ADAMTS17: variants seen among roughly 807,000 people sequenced by gnomAD.
ADAMTS17 encodes the protein A disintegrin and metalloproteinase with thrombospondin motifs 17.
In ADAMTS17, 113 loss-of-function variants were observed where a neutral mutation model predicts 141.5. The observed-to-expected ratio is 0.80, with a 90% CI of 0.69 to 0.93. The LOEUF is 0.93. Among genes scored for constraint, ADAMTS17 ranks in the 40% least tolerant of loss-of-function variants. ADAMTS17 has a pLI of 0.00. For synonymous variants in ADAMTS17, 768 were observed against 630.6 expected (o/e 1.22, Z -3.27); for missense variants, 1,659 against 1,517.9 (o/e 1.09, Z -1.54).
In ADAMTS17 at chr15:100,083,761, T is replaced by C. The variant is rs2034903470; in HGVS notation, c.2137+12595A>G. 2.0e-5 allele frequency among the ~76,000 whole-genome samples: 3 copies of C among 149,986 alleles called. No homozygotes were observed. In the Admixed American group the frequency reaches 2.0e-4, roughly 10 times the overall value. On this transcript the variant is annotated intron_variant, in intron 15 of 21. Transcript: ENST00000268070. ...GTTGTGTGGTCATCTAGTATGATGCTTTCCAACCACATGTGACTTGGGAAT... is the reference window on the plus strand; with the variant it reads ...GTTGTGTGGTCATCTAGTATGATGCCTTCCAACCACATGTGACTTGGGAAT...
chr15:100,182,423 A>T (rs980382929), intron 8 of ADAMTS17, among the ~76,000 whole-genome samples: 1 of 152,176 alleles, frequency 6.6e-6, no homozygotes, highest in Non-Finnish European at 1.5e-5. Context: ...GATCCAAACC[A>T]TATCACACTG....
At chr15:100,180,456 TC>T (rs2040485022) in intron 8 of ADAMTS17, among the ~76,000 whole-genome samples, 2 of 152,232 alleles carry the variant, frequency 1.3e-5, no homozygotes, top group South Asian at 4.1e-4. Flanking sequence ...GTAATGTGAT[TC>T]CTCCAGTTTC....
At chr15:100,263,723 T>C (rs937228034) in intron 4 of ADAMTS17, among the ~76,000 whole-genome samples, 1 of 152,108 alleles carries the variant, frequency 6.6e-6, no homozygotes, top group Non-Finnish European at 1.5e-5. Context: ...AGATGGAAGG[T>C]TGGAGGGAAC....
At chr15:100,239,527 G>A (rs1307458938) in intron 7 of ADAMTS17, among the ~76,000 whole-genome samples, 3 of 152,320 alleles carry the variant, frequency 2.0e-5, no homozygotes, top group Non-Finnish European at 2.9e-5. Flanking sequence ...GGATGCCCCT[G>A]AGCGGGGCAG....
chr15:100,265,229 C>A (rs2043668612), intron 4 of ADAMTS17, among the ~76,000 whole-genome samples: 1 of 152,196 alleles, frequency 6.6e-6, no homozygotes, highest in African/African-American at 2.4e-5. Flanking sequence ...CCGTGCCAAG[C>A]CAGGCGAGCC....
chr15:100,070,778 C>T (rs987377411), intron 15 of ADAMTS17, among the ~76,000 whole-genome samples: 4 of 149,316 alleles, frequency 2.7e-5, no homozygotes, highest in South Asian at 2.1e-4. Context: ...TAAATGCCCA[C>T]AAGAGAAAGC....
chr15:100,311,556 G>A lies in ADAMTS17; in HGVS notation c.616+19333C>T, dbSNP rs138637377. Among the ~76,000 whole-genome samples, 544 of 152,284 alleles carry A rather than the reference G, an allele frequency of 3.6e-3. 7 individuals carry two copies. The highest frequency in any genetic ancestry group is 0.012 in the African/African-American group (513 of 41,562). On this transcript the variant is annotated intron_variant, in intron 3 of 21. Coordinates refer to ENST00000268070, the MANE Select transcript of ADAMTS17 (RefSeq NM_139057.4). ...CTGCTTTGAGTTACTAAAGTGGGGC[G>A]GGCGTGTGTTGCATAAGAGTCCAGG...
intron 15 of ADAMTS17, among the ~76,000 whole-genome samples, chr15:100,082,721 G>T (rs547513081): frequency 6.8e-4 from 100 of 146,440 alleles, no homozygotes; most frequent in African/African-American, 2.4e-3. Flanking sequence ...TCTACAAATA[G>T]TTATTAGAGA....
chr15:100,199,295 A>G, intron 8 of ADAMTS17, 23 bp downstream of exon 8: 2 of 1,600,408 alleles, frequency 1.2e-6, no homozygotes, highest in East Asian at 2.2e-5. Flanking sequence ...AGAAAACAGG[A>G]CGACACAGAG....
intron 10 of ADAMTS17, among the ~76,000 whole-genome samples, chr15:100,152,016 AC>A (rs533714989): frequency 1.4e-4 from 21 of 152,346 alleles, no homozygotes; most frequent in African/African-American, 4.1e-4. Flanking sequence ...TAAACCAGGG[AC>A]AGGATCTCGG....
chr15:100,108,351 T>A (rs987600678), intron 14 of ADAMTS17, among the ~76,000 whole-genome samples: 32 of 152,260 alleles, frequency 2.1e-4, no homozygotes, highest in South Asian at 4.2e-4. Context: ...TATGTTTGTA[T>A]TTTTAGTAGA....
At chr15:100,237,032 T>C (rs529353202) in intron 7 of ADAMTS17, among the ~76,000 whole-genome samples, 1 of 152,198 alleles carries the variant, frequency 6.6e-6, no homozygotes, top group East Asian at 1.9e-4. Context: ...ATCCTCAGAC[T>C]CCAATCTGAA....
In ADAMTS17 at chr15:100,122,559, G is replaced by C. The variant is rs138254037; in HGVS notation, c.1722-5546C>G. 1.6e-3 allele frequency among the ~76,000 whole-genome samples: 241 copies of C among 152,284 alleles called. 2 individuals carry two copies. Among genetic ancestry groups the C allele is most frequent in the African/African-American group, 4.7e-3 (194 of 41,568 alleles). ...TAGAAATGCTGACCCCTCACATGTAGTAGAAAATCCACATATAACTTTTAA... is the reference window on the plus strand; with the variant it reads ...TAGAAATGCTGACCCCTCACATGTACTAGAAAATCCACATATAACTTTTAA... On this transcript the variant is annotated intron_variant, in intron 12 of 21. Transcript: ENST00000268070.
intron 15 of ADAMTS17, among the ~76,000 whole-genome samples, chr15:100,076,271 G>C (rs945009846): frequency 7.2e-5 from 11 of 152,122 alleles, no homozygotes; most frequent in African/African-American, 2.7e-4. Context: ...TGGAACTCCT[G>C]ACCTCAGGTG....
chr15:100,037,332 G>C lies in ADAMTS17; in HGVS notation c.2591+11525C>G, dbSNP rs113356669. On this transcript the variant is annotated intron_variant, in intron 18 of 21. Coordinates refer to ENST00000268070, the MANE Select transcript of ADAMTS17 (RefSeq NM_139057.4). ...CCTTCTTTAGAGGAATGTCTGTTCA[G>C]ATCTTTTGTTCAGTTTTCAATTAGG... is the stretch of plus-strand genomic sequence containing the variant. 2.0e-5 allele frequency among the ~76,000 whole-genome samples: 3 copies of C among 151,916 alleles called. 1 individual carries two copies. The highest frequency in any genetic ancestry group is 7.2e-5 in the African/African-American group (3 of 41,456).
intron 8 of ADAMTS17, among the ~76,000 whole-genome samples, chr15:100,164,647 G>A (rs1008531228): frequency 2.0e-5 from 3 of 152,184 alleles, no homozygotes; most frequent in Non-Finnish European, 4.4e-5. Flanking sequence ...CTCTCAGAGA[G>A]CTGTGGCCTA....
intron 8 of ADAMTS17, among the ~76,000 whole-genome samples, chr15:100,168,899 C>A (rs1399454227): frequency 6.6e-6 from 1 of 152,248 alleles, no homozygotes; most frequent in African/African-American, 2.4e-5. Context: ...AGAGGACCCT[C>A]CCCTTGCCCC....
At chr15:100,137,482 G>A (rs1263810518) in intron 10 of ADAMTS17, among the ~76,000 whole-genome samples, 1 of 152,184 alleles carries the variant, frequency 6.6e-6, no homozygotes, top group African/African-American at 2.4e-5. Flanking sequence ...GTGGGGCTTG[G>A]AGGTGGAGAT....
intron 3 of ADAMTS17, among the ~76,000 whole-genome samples, chr15:100,282,784 A>G (rs1409140081): frequency 1.3e-5 from 2 of 152,230 alleles, no homozygotes; most frequent in African/African-American, 4.8e-5. Context: ...ACAACTATAG[A>G]TAAAGCCAAC....
Sources: gnomAD v4.1 joint callset for allele counts (sites outside exome capture counted in the v4.1 genomes callset) on GRCh38, gnomAD v4.1.1 for gene constraint, MANE v1.5 for transcripts, NCBI Gene and HGNC (gene_info 2026-07-23, HGNC 2026-07-21) for gene names.